CDH12: variants seen among roughly 807,000 people sequenced by gnomAD.
CDH12 encodes cadherin-12.
A neutral mutation model predicts 74.1 loss-of-function variants in CDH12; 41 were observed. The ratio of observed to expected loss-of-function variants is 0.55; its 90% CI spans 0.43 to 0.72. CDH12 has a LOEUF of 0.72. Ranked by LOEUF, CDH12 falls within the 30% of genes least tolerant of loss-of-function variation. The pLI is 0.00. For synonymous variants in CDH12, 399 were observed against 355.0 expected, an observed-to-expected ratio of 1.12 and a Z score of -1.39; for missense variants, 945 against 977.2, an observed-to-expected ratio of 0.97 and a Z score of 0.44.
At chr5:22,155,351 A>G (rs1360450191) in intron 4 of CDH12, among the ~76,000 whole-genome samples, 1 of 152,086 alleles carries the variant, frequency 6.6e-6, no homozygotes, top group African/African-American at 2.4e-5. Context: ...TTCCATGTTC[A>G]AGGAGAGGTG....
At chr5:22,539,329 T>C (rs1434892070) in intron 1 of CDH12, among the ~76,000 whole-genome samples, 1 of 152,208 alleles carries the variant, frequency 6.6e-6, no homozygotes, top group African/African-American at 2.4e-5. Flanking sequence ...TGGGTCTCCA[T>C]AAGTCCAGAG....
rs1173102163 is a variant in CDH12, at chr5:22,698,692, T to C, written c.-523+154366A>G. On this transcript the variant is annotated intron_variant, in intron 1 of 14. Transcript: ENST00000382254. ...CAATCCCCAGATATATATATATATA[T>C]ATATATATATATATATATATATATA... 2.4e-3 allele frequency among the ~76,000 whole-genome samples: 17 copies of C among 7,044 alleles called. 1 individual carries two copies. The Admixed American group carries it at 0.032, about 13-fold the overall frequency. 4.6% of individuals were successfully genotyped at this position (7,044 alleles called of 152,430 possible). A position where few individuals can be genotyped will look rare whatever the true frequency, so the allele number is the denominator to read the frequency against.
chr5:22,071,525 G>T (rs186407959), intron 5 of CDH12, among the ~76,000 whole-genome samples: 6 of 151,920 alleles, frequency 3.9e-5, no homozygotes, highest in African/African-American at 2.4e-5. Flanking sequence ...CTTTTTCCTG[G>T]TTTATCTTCC....
In CDH12 at chr5:21,997,899, T is replaced by G. The variant is rs558322080; in HGVS notation, c.232-22514A>C. On this transcript the variant is annotated intron_variant, in intron 5 of 14. Transcript: ENST00000382254. ...TGATTTTATTCCTCACAATATTGTT[T>G]TCCAATTTGGGGTAGGAGCTAAAAG... Among the ~76,000 whole-genome samples the G allele has an allele frequency of 8.7e-4, 132 of 152,232 alleles. 2 individuals carry two copies. Among genetic ancestry groups the G allele is most frequent in the Non-Finnish European group, 1.3e-3 (85 of 67,974 alleles).
At chr5:22,422,722 A>C (rs1743708407) in intron 2 of CDH12, among the ~76,000 whole-genome samples, 1 of 152,180 alleles carries the variant, frequency 6.6e-6, no homozygotes, top group Non-Finnish European at 1.5e-5. Flanking sequence ...TTGGCTACAA[A>C]TACAGTCATT....
At chr5:22,467,543 C>T (rs920608797) in intron 2 of CDH12, among the ~76,000 whole-genome samples, 2 of 152,176 alleles carry the variant, frequency 1.3e-5, no homozygotes, top group African/African-American at 4.8e-5. Flanking sequence ...AGTTCATTTT[C>T]CATCTCTTGC....
intron 4 of CDH12, among the ~76,000 whole-genome samples, chr5:22,185,400 T>A (rs2150341266): frequency 6.6e-6 from 1 of 152,188 alleles, no homozygotes; most frequent in African/African-American, 2.4e-5. Context: ...GGTTTCACCA[T>A]GTTGGGCAGG....
At chr5:22,496,168 A>T (rs1338915824) in intron 2 of CDH12, among the ~76,000 whole-genome samples, 1 of 152,152 alleles carries the variant, frequency 6.6e-6, no homozygotes, top group Non-Finnish European at 1.5e-5. Context: ...TTCAACATGA[A>T]TCCTGTGCTT....
intron 5 of CDH12, among the ~76,000 whole-genome samples, chr5:22,029,075 C>T (rs1350251393): frequency 1.3e-5 from 2 of 152,150 alleles, no homozygotes; most frequent in African/African-American, 4.8e-5. Context: ...AAAGCTGAAA[C>T]TGGATCCCTT....
intron 3 of CDH12, among the ~76,000 whole-genome samples, chr5:22,309,316 G>A (rs1738278855): frequency 6.6e-6 from 1 of 152,110 alleles, no homozygotes; most frequent in African/African-American, 2.4e-5. Context: ...CAAAAAGAAA[G>A]TGTACGTGTT....
intron 6 of CDH12, among the ~76,000 whole-genome samples, chr5:21,864,206 G>C (rs1484535863): frequency 1.3e-5 from 2 of 151,924 alleles, no homozygotes; most frequent in African/African-American, 4.8e-5. Flanking sequence ...ACAAGGGTGT[G>C]CTAGCTAATT....
chr5:22,245,041 C>T (rs752833346), intron 3 of CDH12, among the ~76,000 whole-genome samples: 67 of 152,190 alleles, frequency 4.4e-4, no homozygotes, highest in Non-Finnish European at 9.1e-4. Flanking sequence ...CAGGGCACTG[C>T]GGCAGAGCAC....
chr5:22,296,905 T>A (rs1268690188), intron 3 of CDH12, among the ~76,000 whole-genome samples: 6 of 152,174 alleles, frequency 3.9e-5, no homozygotes, highest in Non-Finnish European at 5.9e-5. Flanking sequence ...GGGAAAAATA[T>A]CTTTAGGAAA....
intron 1 of CDH12, among the ~76,000 whole-genome samples, chr5:22,587,990 ATG>A (rs1436084670): frequency 1.3e-5 from 2 of 148,876 alleles, no homozygotes; most frequent in Non-Finnish European, 3.0e-5. Context: ...ATACATATAT[ATG>A]TGTGTCTATA....
chr5:22,113,188 AT>A (rs1744910080), intron 4 of CDH12, among the ~76,000 whole-genome samples: 1 of 152,122 alleles, frequency 6.6e-6, no homozygotes, highest in East Asian at 1.9e-4. Context: ...AAATGAAAAT[AT>A]TTTACCCCAA....
At chr5:22,778,490 T>C (rs574339690) in intron 1 of CDH12, among the ~76,000 whole-genome samples, 1 of 152,238 alleles carries the variant, frequency 6.6e-6, no homozygotes, top group African/African-American at 2.4e-5. Flanking sequence ...TCCAACTCTA[T>C]GAAAAGGGGC....
intron 3 of CDH12, among the ~76,000 whole-genome samples, chr5:22,294,578 C>T (rs1365574713): frequency 2.0e-5 from 3 of 152,050 alleles, no homozygotes; most frequent in Admixed American, 1.3e-4. Flanking sequence ...AGAGGTATTC[C>T]TGGAACTGGG....
chr5:22,029,678 G>C (rs1485543017), intron 5 of CDH12, among the ~76,000 whole-genome samples: 5 of 152,192 alleles, frequency 3.3e-5, no homozygotes, highest in African/African-American at 7.2e-5. Flanking sequence ...CTGTAAACTA[G>C]ATCAACCATT....
chr5:22,178,757 A>G (rs986342216), intron 4 of CDH12, among the ~76,000 whole-genome samples: 7 of 152,346 alleles, frequency 4.6e-5, no homozygotes, highest in Admixed American at 4.6e-4. Context: ...TGGTTCTACT[A>G]TACCAAGAAA....
Sources: gnomAD v4.1 joint callset for allele counts (sites outside exome capture counted in the v4.1 genomes callset) on GRCh38, gnomAD v4.1.1 for gene constraint, MANE v1.5 for transcripts, NCBI Gene and HGNC (gene_info 2026-07-23, HGNC 2026-07-21) for gene names.